Variants in USP25 observed in about 807,000 individuals in gnomAD.
The protein encoded by USP25 is ubiquitin specific peptidase 25, also known as ubiquitin carboxyl-terminal hydrolase 25.
USP25 carries 85 observed loss-of-function variants against 158.5 expected under a neutral mutation model. The observed-to-expected ratio is 0.54, with a 90% confidence interval of 0.45 to 0.64. USP25 has a LOEUF of 0.64. Ranked by LOEUF, USP25 falls within the 30% of genes least tolerant of loss-of-function variation. The pLI, the probability that USP25 is intolerant of heterozygous loss-of-function variation, is 0.00. For synonymous variants in USP25, 464 were observed against 460.4 expected, an observed-to-expected ratio of 1.01 and a Z score of -0.10; for missense variants, 1,242 against 1,327.3, an observed-to-expected ratio of 0.94 and a Z score of 1.00.
At chr21:15,753,435 C>T (rs1240168223) in intron 1 of USP25, among the ~76,000 whole-genome samples, 1 of 152,152 alleles carries the variant, frequency 6.6e-6, no homozygotes, top group Non-Finnish European at 1.5e-5. Flanking sequence ...CCGGGGGACC[C>T]TCCTTGTCTG....
chr21:15,749,468 A>T (rs556141274), intron 1 of USP25, among the ~76,000 whole-genome samples: 1 of 152,226 alleles, frequency 6.6e-6, no homozygotes, highest in Admixed American at 6.5e-5. Flanking sequence ...AAGTATGTGT[A>T]TTGAAAATAA....
chr21:15,798,490 C>G (rs1416129127), intron 5 of USP25, among the ~76,000 whole-genome samples: 1 of 151,096 alleles, frequency 6.6e-6, no homozygotes, highest in Non-Finnish European at 1.5e-5. Flanking sequence ...AGGTTCTGAT[C>G]TTGGCCAACT....
intron 18 of USP25, among the ~76,000 whole-genome samples, chr21:15,845,211 T>A (rs536125620): frequency 9.2e-5 from 14 of 152,270 alleles, no homozygotes; most frequent in African/African-American, 3.4e-4. Context: ...AGACCACTTT[T>A]TAAGAAGTCA....
intron 18 of USP25, among the ~76,000 whole-genome samples, chr21:15,845,946 A>G (rs1238019495): frequency 1.3e-5 from 2 of 151,596 alleles, no homozygotes; most frequent in African/African-American, 2.4e-5. Flanking sequence ...AAGTAGTACA[A>G]TGACTCATAG....
chr21:15,842,119 T>C (rs1015397598), intron 17 of USP25, among the ~76,000 whole-genome samples: 1 of 152,176 alleles, frequency 6.6e-6, no homozygotes, highest in Non-Finnish European at 1.5e-5. Context: ...AAATGAGCTT[T>C]TGTTATTTCT....
chr21:15,823,430 A>G (rs938774227), intron 10 of USP25, among the ~76,000 whole-genome samples: 3 of 152,280 alleles, frequency 2.0e-5, no homozygotes, highest in Middle Eastern at 3.4e-3. Context: ...GAGACATTCA[A>G]TTCTTTAAAC....
At chr21:15,831,308 T>C (rs2037788607) in intron 15 of USP25, 93 bp from the exon 16 acceptor site, 2 of 1,227,702 alleles carry the variant, frequency 1.6e-6, no homozygotes, top group Non-Finnish European at 1.2e-6. Context: ...GCTCTTATGG[T>C]TTTCTCCAAA....
rs1424638798 is a variant in USP25 at position 15,875,630 on chromosome 21, G to T, written c.3009+1104G>T. Among the ~76,000 whole-genome samples the T allele has an allele frequency of 6.6e-6, 1 of 152,176 alleles. No individual in the cohort carries two copies. The highest frequency in any genetic ancestry group is 1.9e-4 in the East Asian group (1 of 5,192). ...AACCTTAAGAGACAAGGTAAACCTC[G>T]TCTGGATCTTGATGGATAAATAGAA... On this transcript the variant is annotated intron_variant, in intron 24 of 25. Transcript: ENST00000400183. The surrounding 1 kb of genome is among the most constrained non-coding windows in gnomAD (Gnocchi z 4.7).
chr21:15,791,724 T>C, intron 5 of USP25, 60 bp downstream of exon 5: 2 of 1,524,054 alleles, frequency 1.3e-6, no homozygotes, highest in Non-Finnish European at 1.8e-6. Context: ...GGAAAGTGAG[T>C]TGGTTGTGTT....
At chr21:15,817,124 T>TC (rs1405730487) in intron 9 of USP25, among the ~76,000 whole-genome samples, 1 of 151,248 alleles carries the variant, frequency 6.6e-6, no homozygotes, top group East Asian at 1.9e-4. Context: ...AGAGCGAGAC[T>TC]CTGTCTCAAT....
At chr21:15,840,180 A>G (rs145826758) in intron 17 of USP25, among the ~76,000 whole-genome samples, 364 of 152,228 alleles carry the variant, frequency 2.4e-3, no homozygotes, top group African/African-American at 8.3e-3. Context: ...ATAATCCTCT[A>G]CAAATCCTTC....
intron 20 of USP25, among the ~76,000 whole-genome samples, chr21:15,862,310 T>C (rs1169114001): frequency 6.6e-6 from 1 of 152,074 alleles, no homozygotes; most frequent in Admixed American, 6.5e-5. Context: ...GAAATGTTCA[T>C]TGGAGTATCA....
intron 1 of USP25, among the ~76,000 whole-genome samples, chr21:15,741,194 T>C (rs1257106338): frequency 6.6e-6 from 1 of 152,080 alleles, no homozygotes; most frequent in Non-Finnish European, 1.5e-5. Context: ...GATTCACCCA[T>C]GTTTTATTGC....
Position 15,812,962 on chromosome 21 carries a change from C to A in USP25, c.931+1752C>A, listed in dbSNP as rs530987586. 3.9e-5 allele frequency among the ~76,000 whole-genome samples: 6 copies of A among 152,146 alleles called. No individual in the cohort carries two copies. The East Asian group carries it at 1.2e-3, about 29-fold the overall frequency. On this transcript the variant is annotated intron_variant, in intron 9 of 25. Transcript: ENST00000400183. Reference sequence around the variant, plus strand: ...TTCTAGTTCATTGTCCCCTCTCAGCCCTTCTCTGTACTTCACTCCTTCCTT... The same window carrying A: ...TTCTAGTTCATTGTCCCCTCTCAGCACTTCTCTGTACTTCACTCCTTCCTT...
At chr21:15,833,300 T>C (rs1271312426) in intron 16 of USP25, 48 bp from the exon 17 acceptor site, 14 of 1,552,442 alleles carry the variant, frequency 9.0e-6, no homozygotes, top group African/African-American at 1.4e-5. Context: ...CTTTGCATTT[T>C]CCCTTTAATT....
At chr21:15,736,218 C>T (rs536046120) in intron 1 of USP25, among the ~76,000 whole-genome samples, 1 of 152,114 alleles carries the variant, frequency 6.6e-6, no homozygotes, top group South Asian at 2.1e-4. Flanking sequence ...CTGCCTCAGC[C>T]TTCTGAGTAG....
chr21:15,818,841 C>G lies in USP25; in HGVS notation c.1075C>G (p.Gln359Glu). Residue 359 changes from glutamine to glutamate, a missense_variant, in exon 10 of 26, where the codon CAA becomes GAA. By Grantham distance (29) the Gln-to-Glu change is conservative (BLOSUM62 2). Coordinates refer to ENST00000400183, the MANE Select transcript of USP25 (RefSeq NM_001283041.3). ...LHSENSGKSGQEHWFTELPPV... is the reference protein window; with the variant it reads ...LHSENSGKSGEEHWFTELPPV... ...TTCAGAGAATTCAGGAAAATCAGGC[C>G]AAGAGGTGAGTTTAACATTTTCATT... The G allele has an allele frequency of 6.2e-7, 1 of 1,613,430 alleles. No homozygotes were observed. The highest frequency in any genetic ancestry group is 8.5e-7 in the Non-Finnish European group (1 of 1,179,624).
Position 15,818,256 on chromosome 21 carries a change from ACTTT to A in USP25, c.932-437_932-434del, listed in dbSNP as rs536448051. 1.1e-3 allele frequency among the ~76,000 whole-genome samples: 169 copies of A among 152,154 alleles called. 1 individual carries two copies. Among genetic ancestry groups the A allele is most frequent in the Non-Finnish European group, 1.9e-3 (128 of 68,006 alleles). ...TCTCACATAATTCTGTCTCATCACA[ACTTT>A]CTTTTTATAACAATTGTAATATAAT... On this transcript the variant is annotated intron_variant, in intron 9 of 25. Coordinates refer to ENST00000400183, the MANE Select transcript of USP25 (RefSeq NM_001283041.3).
rs959492504 is a variant in USP25, at chr21:15,816,342, G to T, written c.932-2356G>T. 6.6e-6 allele frequency among the ~76,000 whole-genome samples: 1 copy of T among 152,126 alleles called. No homozygotes were observed. The highest frequency in any genetic ancestry group is 2.1e-4 in the South Asian group (1 of 4,826). On this transcript the variant is annotated intron_variant, in intron 9 of 25. Transcript: ENST00000400183. The surrounding 1 kb of genome is among the most constrained non-coding windows in gnomAD (Gnocchi z 4.0). ...TTAATCCTCTTTTTCTTCCCAGTTT[G>T]GGATGTGTCTTTATCAGCAGCGTGA... is the stretch of plus-strand genomic sequence containing the variant.
Sources: allele counts gnomAD v4.1 joint callset (sites outside exome capture counted in the v4.1 genomes callset), GRCh38; gene constraint gnomAD v4.1.1; non-coding constraint Gnocchi (gnomAD v3.1); transcripts MANE v1.5; gene names NCBI Gene and HGNC (gene_info 2026-07-23, HGNC 2026-07-21).